The following MOB3B variants were observed in gnomAD, a reference collection of about 807,000 sequenced individuals.
The protein encoded by MOB3B is MOB kinase activator 3B, also known as MOB kinase activator-like 2B.
A neutral mutation model predicts 18.7 loss-of-function variants in MOB3B; 7 were observed. The ratio of observed to expected loss-of-function variants is 0.37; its 90% CI spans 0.21 to 0.70. MOB3B has a LOEUF of 0.70. Ranked by LOEUF, MOB3B falls within the 30% of genes least tolerant of loss-of-function variation. The probability of loss-of-function intolerance (pLI) is 0.52; values close to 1 mark genes in which losing one functional copy is unlikely to be tolerated. For missense variants in MOB3B, 253 were observed against 281.3 expected, an observed-to-expected ratio of 0.90 and a Z score of 0.72; for synonymous variants, 111 against 99.9, an observed-to-expected ratio of 1.11 and a Z score of -0.66.
chr9:27,453,064 G>A (rs117625212), intron 2 of MOB3B, among the ~76,000 whole-genome samples: 3,215 of 152,170 alleles, frequency 0.021, 54 homozygotes, highest in Non-Finnish European at 0.034. Flanking sequence ...AGGAATTTGC[G>A]TTTTGAACAG....
intron 1 of MOB3B, among the ~76,000 whole-genome samples, chr9:27,499,574 C>T (rs1819956222): frequency 6.6e-6 from 1 of 152,122 alleles, no homozygotes; most frequent in Non-Finnish European, 1.5e-5. Flanking sequence ...CAGCACTGTC[C>T]AAATTAATGA....
Position 27,330,495 on chromosome 9 carries a change from T to C in MOB3B, c.*92A>G, listed in dbSNP as rs1190329141. The C allele has an allele frequency of 1.3e-6, 2 of 1,553,448 alleles. No individual in the cohort carries two copies. Among genetic ancestry groups the C allele is most frequent in the African/African-American group, 2.7e-5 (2 of 73,496 alleles). On this transcript the variant is annotated 3_prime_UTR_variant, in exon 4 of 4. Coordinates refer to ENST00000262244, the MANE Select transcript of MOB3B (RefSeq NM_024761.5). ...CACCTCTGCTGTTCCTGGGAGTAGGTGTGTCATTTCAGCCAGGGTGGTCCA... is the reference window on the plus strand; with the variant it reads ...CACCTCTGCTGTTCCTGGGAGTAGGCGTGTCATTTCAGCCAGGGTGGTCCA...
intron 2 of MOB3B, among the ~76,000 whole-genome samples, chr9:27,382,219 C>T (rs1232326635): frequency 6.6e-6 from 1 of 152,110 alleles, no homozygotes; most frequent in East Asian, 1.9e-4. Flanking sequence ...AGGTCAATTC[C>T]TCGACAGCTT....
At chr9:27,514,882 C>T (rs1445659303) in intron 1 of MOB3B, among the ~76,000 whole-genome samples, 1 of 152,206 alleles carries the variant, frequency 6.6e-6, no homozygotes, top group Non-Finnish European at 1.5e-5. Flanking sequence ...CATGCATGTG[C>T]TAGTGGTAAC....
intron 1 of MOB3B, among the ~76,000 whole-genome samples, chr9:27,500,158 T>C (rs1383859925): frequency 6.6e-6 from 1 of 152,150 alleles, no homozygotes; most frequent in Non-Finnish European, 1.5e-5. Flanking sequence ...TTCACTTGAA[T>C]TGAGTCTGGT....
rs190315864 is a variant in MOB3B at position 27,497,569 on chromosome 9, G to A, written c.-199+31986C>T. On this transcript the variant is annotated intron_variant, in intron 1 of 3. Coordinates refer to ENST00000262244, the MANE Select transcript of MOB3B (RefSeq NM_024761.5). ...CAGAACTTACTAATAATTATGTCTAGTTTCAGGTGATTTTAATTTCTTTTC... is the reference window on the plus strand; with the variant it reads ...CAGAACTTACTAATAATTATGTCTAATTTCAGGTGATTTTAATTTCTTTTC... Among the ~76,000 whole-genome samples the A allele has an allele frequency of 1.5e-3, 226 of 151,844 alleles. 1 individual carries two copies. Among genetic ancestry groups the A allele is most frequent in the Middle Eastern group, 3.4e-3 (1 of 294 alleles).
chr9:27,410,066 G>T (rs1289147218), intron 2 of MOB3B, among the ~76,000 whole-genome samples: 1 of 152,088 alleles, frequency 6.6e-6, no homozygotes, highest in Non-Finnish European at 1.5e-5. Flanking sequence ...ACTTAAAAAT[G>T]GTGAAAATGG....
intron 2 of MOB3B, among the ~76,000 whole-genome samples, chr9:27,380,310 G>T: frequency 6.7e-6 from 1 of 148,828 alleles, no homozygotes; most frequent in South Asian, 2.1e-4. Context: ...CTGTCGCCAG[G>T]CTGGAGTGCA....
chr9:27,473,301 A>G (rs1326784213), intron 1 of MOB3B, among the ~76,000 whole-genome samples: 1 of 152,170 alleles, frequency 6.6e-6, no homozygotes, highest in Admixed American at 6.5e-5. Flanking sequence ...TGTGAGTACA[A>G]TCTGCCCAGT....
chr9:27,447,356 G>GC, intron 2 of MOB3B, among the ~76,000 whole-genome samples: 1 of 152,268 alleles, frequency 6.6e-6, no homozygotes. Flanking sequence ...AAGGAAGGAT[G>GC]CCATGGCTAC....
At chr9:27,397,540 G>C (rs1324348356) in intron 2 of MOB3B, 2 of 152,060 alleles carry the variant, frequency 1.3e-5, no homozygotes, top group Non-Finnish European at 2.9e-5. Flanking sequence ...CTCCTCCAAT[G>C]GCTCTAATGA....
chr9:27,401,349 T>C, intron 2 of MOB3B, among the ~76,000 whole-genome samples: 1 of 152,150 alleles, frequency 6.6e-6, no homozygotes, highest in East Asian at 1.9e-4. Flanking sequence ...AGTGCAAAAG[T>C]CCTGAAAGAG....
chr9:27,455,343 G>A lies in MOB3B; in HGVS notation c.208C>T (p.Arg70Trp), dbSNP rs748559122. The change falls in exon 2 of 4, where the codon CGG (arginine) becomes TGG (tryptophan). Residue 70 changes from arginine (R) to tryptophan (W), a missense_variant. Coordinates refer to ENST00000262244, the MANE Select transcript of MOB3B (RefSeq NM_024761.5). ...VAVHVVDFFN[R>W]INLIYGTICE... ...ATGGTGCCATAGATGAGGTTGATCC[G>A]ATTGAAGAAGTCCACCACATGTACT... 3 of 1,614,096 alleles carry A rather than the reference G, an allele frequency of 1.9e-6. No individual in the cohort carries two copies. The highest frequency in any genetic ancestry group is 1.1e-5 in the South Asian group (1 of 91,078).
rs1330213113 is a variant in MOB3B at position 27,329,131 on chromosome 9, G to A, written c.*1456C>T. 1 of 152,132 alleles carries A rather than the reference G, an allele frequency of 6.6e-6. No homozygotes were observed. The highest frequency in any genetic ancestry group is 1.5e-5 in the Non-Finnish European group (1 of 68,022). The allele number at this position is 152,132 out of a possible 1,614,324, so 9.4% of individuals were successfully genotyped here. On this transcript the variant is annotated 3_prime_UTR_variant, in exon 4 of 4. Coordinates refer to ENST00000262244, the MANE Select transcript of MOB3B (RefSeq NM_024761.5). ...TTATGATTGATAAAACAAAATCAGA[G>A]TCATTTAGTTATTCTTTAATCATTA...
intron 3 of MOB3B, among the ~76,000 whole-genome samples, chr9:27,331,040 G>A (rs796489059): frequency 6.6e-6 from 1 of 152,146 alleles, no homozygotes; most frequent in Non-Finnish European, 1.5e-5. Context: ...TGGACTGCTA[G>A]TTTTCTTCGA....
chr9:27,327,389 G>C lies in MOB3B; in HGVS notation c.*3198C>G, dbSNP rs1439444856. On this transcript the variant is annotated 3_prime_UTR_variant, in exon 4 of 4. Transcript: ENST00000262244. ...AGACATTATGTGCTTCCTGAGGTGAGGCAGTAGTAAGGAAACAACATCACA... is the reference window on the plus strand; with the variant it reads ...AGACATTATGTGCTTCCTGAGGTGACGCAGTAGTAAGGAAACAACATCACA... The C allele has an allele frequency of 1.3e-5, 2 of 152,086 alleles. No homozygotes were observed. The highest frequency in any genetic ancestry group is 2.9e-5 in the Non-Finnish European group (2 of 68,012). 9.4% of individuals were successfully genotyped at this position (152,086 alleles called of 1,614,324 possible).
chr9:27,371,540 T>C (rs902248732), intron 2 of MOB3B, among the ~76,000 whole-genome samples: 1 of 152,196 alleles, frequency 6.6e-6, no homozygotes, highest in Non-Finnish European at 1.5e-5. Flanking sequence ...GGCTCTAAAA[T>C]CTTATCTCTG....
chr9:27,435,083 CTT>C, intron 2 of MOB3B, among the ~76,000 whole-genome samples: 1 of 150,550 alleles, frequency 6.6e-6, no homozygotes, highest in East Asian at 2.0e-4. Context: ...CTCTCTCTCT[CTT>C]TCTCTCCCCA....
chr9:27,370,633 C>G (rs1313341041), intron 2 of MOB3B, among the ~76,000 whole-genome samples: 1 of 152,172 alleles, frequency 6.6e-6, no homozygotes, highest in African/African-American at 2.4e-5. Flanking sequence ...GACACTGAAT[C>G]TGTCAGTGCC....
Sources: gnomAD v4.1 joint callset for allele counts (sites outside exome capture counted in the v4.1 genomes callset) on GRCh38, gnomAD v4.1.1 for gene constraint, MANE v1.5 for transcripts, NCBI Gene and HGNC (gene_info 2026-07-23, HGNC 2026-07-21) for gene names.